SCHIP1: variants seen among roughly 807,000 people sequenced by gnomAD.
SCHIP1 encodes schwannomin interacting protein 1.
SCHIP1 carries 8 observed loss-of-function variants against 29.7 expected under a neutral mutation model. The observed-to-expected ratio is 0.27, with a 90% CI of 0.16 to 0.49. The LOEUF (loss-of-function observed/expected upper bound fraction) is 0.49, where lower values mean the gene tolerates loss of function less well. Among genes scored for constraint, SCHIP1 ranks in the 20% least tolerant of loss-of-function variants. The pLI, the probability that SCHIP1 is intolerant of heterozygous loss-of-function variation, is 0.99. For missense variants in SCHIP1, 193 were observed against 294.6 expected, an observed-to-expected ratio of 0.66 and a Z score of 2.52; for synonymous variants, 76 against 94.9, an observed-to-expected ratio of 0.80 and a Z score of 1.16.
the SCHIP1 span, among the ~76,000 whole-genome samples, chr3:159,683,696 T>C: frequency 0.011 from 1,669 of 152,254 alleles, 30 homozygotes; most frequent in African/African-American, 0.037. Context: ...GGAGTTTCCA[T>C]AGAGGACCAT....
At chr3:159,789,592 C>G in the SCHIP1 span, among the ~76,000 whole-genome samples, 1 of 152,148 alleles carries the variant, frequency 6.6e-6, no homozygotes, top group African/African-American at 2.4e-5. Context: ...GGGCTCCACA[C>G]TCCTGATTCA....
the SCHIP1 span, among the ~76,000 whole-genome samples, chr3:159,434,118 T>C: frequency 1.3e-5 from 2 of 152,186 alleles, no homozygotes; most frequent in African/African-American, 4.8e-5. Context: ...CAATAAATGT[T>C]TGTGGATATA....
chr3:159,817,880 C>T, the SCHIP1 span, among the ~76,000 whole-genome samples: 1 of 152,132 alleles, frequency 6.6e-6, no homozygotes, highest in African/African-American at 2.4e-5. Context: ...TCCCTAGGGC[C>T]CTCATTGTTT....
chr3:159,285,674 T>A, the SCHIP1 span, among the ~76,000 whole-genome samples: 2,162 of 152,264 alleles, frequency 0.014, 44 homozygotes, highest in African/African-American at 0.05. Context: ...TTTATTCTGT[T>A]GGTAGTTAAT....
At chr3:159,819,433 A>T in the SCHIP1 span, among the ~76,000 whole-genome samples, 8 of 152,260 alleles carry the variant, frequency 5.3e-5, no homozygotes, top group East Asian at 1.5e-3. Flanking sequence ...GAATTTAGGG[A>T]CGTATTTTAA....
the SCHIP1 span, among the ~76,000 whole-genome samples, chr3:159,322,573 G>A: frequency 6.6e-6 from 1 of 152,062 alleles, no homozygotes; most frequent in Admixed American, 6.6e-5. Flanking sequence ...AAAAATATTC[G>A]GCTTAAGATC....
At chr3:159,374,715 T>C in the SCHIP1 span, among the ~76,000 whole-genome samples, 6 of 152,314 alleles carry the variant, frequency 3.9e-5, no homozygotes, top group Non-Finnish European at 8.8e-5. Context: ...AATAGATATA[T>C]TACTTAATAT....
At chr3:159,350,533 A>T in the SCHIP1 span, among the ~76,000 whole-genome samples, 1 of 152,270 alleles carries the variant, frequency 6.6e-6, no homozygotes, top group South Asian at 2.1e-4. Context: ...TAAAATAGGA[A>T]TTGGAGTAAA....
At chr3:159,612,443 ATATT>A in the SCHIP1 span, among the ~76,000 whole-genome samples, 3 of 152,316 alleles carry the variant, frequency 2.0e-5, no homozygotes, top group Admixed American at 6.5e-5. Flanking sequence ...TCTGACTGAA[ATATT>A]TATATTAAGA....
the SCHIP1 span, among the ~76,000 whole-genome samples, chr3:159,720,216 C>T: frequency 5.8e-5 from 6 of 103,946 alleles, no homozygotes; most frequent in East Asian, 1.1e-3. Flanking sequence ...CATCACACAC[C>T]GGGGCCTATC....
chr3:159,507,808 G>A, the SCHIP1 span, among the ~76,000 whole-genome samples: 11 of 152,292 alleles, frequency 7.2e-5, no homozygotes, highest in African/African-American at 2.4e-4. Context: ...TGCATCCCAG[G>A]GATGAAGCCC....
chr3:159,326,324 A>G, the SCHIP1 span, among the ~76,000 whole-genome samples: 3 of 152,198 alleles, frequency 2.0e-5, no homozygotes, highest in African/African-American at 7.2e-5. Flanking sequence ...TGGACTCAGT[A>G]TTATTGTACT....
At chr3:159,694,535 G>C in the SCHIP1 span, among the ~76,000 whole-genome samples, 1 of 96,984 alleles carries the variant, frequency 1.0e-5, no homozygotes, top group Non-Finnish European at 2.2e-5. Flanking sequence ...AAAAAGAAAA[G>C]ACAAGAAAGA....
chr3:159,610,475 C>T, the SCHIP1 span, among the ~76,000 whole-genome samples: 1 of 152,128 alleles, frequency 6.6e-6, no homozygotes, highest in Admixed American at 6.6e-5. Flanking sequence ...CTTTTCAAAG[C>T]TCAGTTTGTT....
At chr3:159,795,866 G>A in the SCHIP1 span, among the ~76,000 whole-genome samples, 4 of 152,178 alleles carry the variant, frequency 2.6e-5, no homozygotes, top group Admixed American at 2.6e-4. Context: ...GTAAGAGGGA[G>A]GCTGTGGAGC....
the SCHIP1 span, among the ~76,000 whole-genome samples, chr3:159,320,053 C>T: frequency 4.1e-4 from 63 of 152,222 alleles, no homozygotes; most frequent in African/African-American, 1.4e-3. Context: ...GATCGGGTCA[C>T]GAAGACAGAG....
chr3:159,821,900 G>T, the SCHIP1 span, among the ~76,000 whole-genome samples: 1 of 152,206 alleles, frequency 6.6e-6, no homozygotes, highest in African/African-American at 2.4e-5. Context: ...TGATCACCAA[G>T]CCAGCTACTA....
chr3:159,393,579 C>T, the SCHIP1 span, among the ~76,000 whole-genome samples: 1 of 150,252 alleles, frequency 6.7e-6, no homozygotes, highest in Admixed American at 6.6e-5. Context: ...GAATCCTTTC[C>T]CCATTGCTTG....
At chr3:159,624,061 G>A in the SCHIP1 span, among the ~76,000 whole-genome samples, 1 of 152,044 alleles carries the variant, frequency 6.6e-6, no homozygotes, top group African/African-American at 2.4e-5. Flanking sequence ...TATTTCATAT[G>A]GCAAAGGTAT....
Sources: allele counts gnomAD v4.1 joint callset (sites outside exome capture counted in the v4.1 genomes callset), GRCh38; gene constraint gnomAD v4.1.1; transcripts MANE v1.5; gene names NCBI Gene and HGNC (gene_info 2026-07-23, HGNC 2026-07-21).